Variants in CDH4 observed in about 807,000 individuals in gnomAD.
CDH4 encodes the protein cadherin 4.
In CDH4, 33 loss-of-function variants were observed where a neutral mutation model predicts 86.0. That is an observed-to-expected ratio of 0.38 (90% CI 0.29 to 0.51). CDH4 has a LOEUF of 0.51. Among genes scored for constraint, CDH4 ranks in the 20% least tolerant of loss-of-function variants. The pLI, the probability that CDH4 is intolerant of heterozygous loss-of-function variation, is 0.86. For synonymous variants in CDH4, 555 were observed against 549.4 expected, an observed-to-expected ratio of 1.01 and a Z score of -0.14; for missense variants, 1,114 against 1,307.4, an observed-to-expected ratio of 0.85 and a Z score of 2.28.
At chr20:61,817,141 T>C (rs1344161012) in intron 4 of CDH4, among the ~76,000 whole-genome samples, 1 of 152,250 alleles carries the variant, frequency 6.6e-6, no homozygotes, top group African/African-American at 2.4e-5. Context: ...CCAAACCTGC[T>C]GATACCTCTA....
intron 2 of CDH4, among the ~76,000 whole-genome samples, chr20:61,538,666 C>T (rs2086016402): frequency 6.6e-6 from 1 of 152,248 alleles, no homozygotes; most frequent in African/African-American, 2.4e-5. Context: ...GCACAGCTCC[C>T]AGTCCTCCCT....
At chr20:61,863,451 C>T (rs1323447424) in intron 6 of CDH4, among the ~76,000 whole-genome samples, 2 of 152,198 alleles carry the variant, frequency 1.3e-5, no homozygotes, top group African/African-American at 4.8e-5. Flanking sequence ...CACCTGGGCA[C>T]CCCAGGTTAG....
At chr20:61,574,831 C>T (rs985477447) in intron 2 of CDH4, among the ~76,000 whole-genome samples, 2 of 152,206 alleles carry the variant, frequency 1.3e-5, no homozygotes, top group East Asian at 1.9e-4. Flanking sequence ...GAAGTGCCAG[C>T]TGCCATATGC....
chr20:61,810,217 CTGG>C lies in CDH4; in HGVS notation c.577-34450_577-34448del, dbSNP rs1357436346. Among the ~76,000 whole-genome samples, 1 of 152,222 alleles carries C rather than the reference CTGG, an allele frequency of 6.6e-6. No individual in the cohort carries two copies. Among genetic ancestry groups the C allele is most frequent in the African/African-American group, 2.4e-5 (1 of 41,452 alleles). The stretch of plus-strand genomic sequence containing the variant: ...CCGGGCCAGCCACACTAACATCCCA[CTGG>C]CAGACCCCGGGAAAGGCCATGGCCA... On this transcript the variant is annotated intron_variant, in intron 4 of 15. Coordinates refer to ENST00000614565, the MANE Select transcript of CDH4 (RefSeq NM_001794.5). This position sits in a 1 kb window ranked among gnomAD's most constrained non-coding sequence, Gnocchi z 4.3.
At chr20:61,785,497 AC>A (rs1337848671) in intron 4 of CDH4, among the ~76,000 whole-genome samples, 3 of 152,100 alleles carry the variant, frequency 2.0e-5, no homozygotes, top group African/African-American at 4.8e-5. Context: ...CCCTGGACTA[AC>A]CCTGTCAGGT....
At chr20:61,315,983 C>T (rs556264010) in intron 2 of CDH4, among the ~76,000 whole-genome samples, 2 of 152,290 alleles carry the variant, frequency 1.3e-5, no homozygotes, top group South Asian at 4.1e-4. Flanking sequence ...TCCAAGGGAA[C>T]AGGCGATTTC....
intron 2 of CDH4, among the ~76,000 whole-genome samples, chr20:61,324,519 T>A (rs2123248383): frequency 6.6e-6 from 1 of 152,300 alleles, no homozygotes; most frequent in South Asian, 2.1e-4. Context: ...AGTATCTGCC[T>A]GGCTCATCAC....
chr20:61,509,713 G>A lies in CDH4; in HGVS notation c.170-233850G>A, dbSNP rs1386957939. 2.0e-5 allele frequency among the ~76,000 whole-genome samples: 3 copies of A among 152,068 alleles called. No individual in the cohort carries two copies. The East Asian group carries it at 5.8e-4, about 29-fold the overall frequency. ...AGGAGTGGCAGAGTCCACGGAAGGG[G>A]AACAACAGGCTGAATTTGCAAGATT... On this transcript the variant is annotated intron_variant, in intron 2 of 15. Coordinates refer to ENST00000614565, the MANE Select transcript of CDH4 (RefSeq NM_001794.5).
chr20:61,622,513 C>T (rs7269312), intron 2 of CDH4, among the ~76,000 whole-genome samples: 1 of 152,256 alleles, frequency 6.6e-6, no homozygotes, highest in Non-Finnish European at 1.5e-5. Context: ...GTGGCCCATG[C>T]CAAAGAGTCT....
At chr20:61,860,849 A>G (rs1983291372) in intron 6 of CDH4, among the ~76,000 whole-genome samples, 1 of 152,070 alleles carries the variant, frequency 6.6e-6, no homozygotes, top group African/African-American at 2.4e-5. Flanking sequence ...TTATATCTGC[A>G]GGAGGACTCT....
chr20:61,553,822 G>A (rs893765011), intron 2 of CDH4, among the ~76,000 whole-genome samples: 6 of 152,174 alleles, frequency 3.9e-5, no homozygotes, highest in African/African-American at 1.2e-4. Flanking sequence ...GCTGGACCTC[G>A]CTTGGTAGAT....
chr20:61,489,433 TAA>T (rs2085613905), intron 2 of CDH4, among the ~76,000 whole-genome samples: 1 of 152,198 alleles, frequency 6.6e-6, no homozygotes, highest in South Asian at 2.1e-4. Context: ...CAAAAGAAAT[TAA>T]AGAGATGCAA....
intron 2 of CDH4, among the ~76,000 whole-genome samples, chr20:61,264,955 C>T (rs1287705120): frequency 2.4e-3 from 273 of 112,636 alleles, no homozygotes; most frequent in African/African-American, 8.5e-3. Context: ...TACACATACC[C>T]CAGTGGCTCC....
chr20:61,884,788 C>T (rs1458890424), intron 7 of CDH4, among the ~76,000 whole-genome samples: 2 of 152,116 alleles, frequency 1.3e-5, no homozygotes. Context: ...ACAGCAGCAG[C>T]CCCGAAGGGC....
chr20:61,781,908 TCTC>T (rs1978567062), intron 4 of CDH4, among the ~76,000 whole-genome samples: 2 of 152,162 alleles, frequency 1.3e-5, no homozygotes, highest in African/African-American at 4.8e-5. Flanking sequence ...AATGGGGTCT[TCTC>T]CTCAGAATCC....
chr20:61,407,412 T>C (rs2085090359), intron 2 of CDH4, among the ~76,000 whole-genome samples: 1 of 152,160 alleles, frequency 6.6e-6, no homozygotes, highest in South Asian at 2.1e-4. Flanking sequence ...TGGGGACAGG[T>C]GTGGCTGACT....
chr20:61,369,450 C>CAAAA (rs144885482), intron 2 of CDH4, among the ~76,000 whole-genome samples: 7 of 56,586 alleles, frequency 1.2e-4, no homozygotes, highest in Admixed American at 2.6e-4. Flanking sequence ...GACTCTGTCT[C>CAAAA]AAAAAAAAAA....
At chr20:61,844,372 C>T (rs1982327609) in intron 4 of CDH4, among the ~76,000 whole-genome samples, 1 of 151,852 alleles carries the variant, frequency 6.6e-6, no homozygotes, top group Admixed American at 6.6e-5. Flanking sequence ...CATTTTATAC[C>T]ATCATTTCCA....
chr20:61,907,260 C>T (rs761501429), intron 8 of CDH4, among the ~76,000 whole-genome samples: 39 of 152,208 alleles, frequency 2.6e-4, no homozygotes, highest in Middle Eastern at 3.4e-3. Flanking sequence ...CTGCCCCTCC[C>T]GCCCATTCCC....
Sources: allele counts gnomAD v4.1 joint callset (sites outside exome capture counted in the v4.1 genomes callset), GRCh38; gene constraint gnomAD v4.1.1; non-coding constraint Gnocchi (gnomAD v3.1); transcripts MANE v1.5; gene names NCBI Gene and HGNC (gene_info 2026-07-23, HGNC 2026-07-21).